LYN: variants seen among roughly 807,000 people sequenced by gnomAD.
LYN encodes tyrosine-protein kinase Lyn.
LYN carries 12 observed loss-of-function variants against 65.0 expected under a neutral mutation model. That is an observed-to-expected ratio of 0.18 (90% CI 0.12 to 0.30). LYN has a LOEUF of 0.30. Among genes scored for constraint, LYN ranks in the 10% least tolerant of loss-of-function variants. LYN has a pLI of 1.00. For missense variants in LYN, 380 were observed against 623.2 expected, an observed-to-expected ratio of 0.61 and a Z score of 4.16; for synonymous variants, 222 against 221.2, an observed-to-expected ratio of 1.00 and a Z score of -0.03.
At position 56,012,782 on chromosome 8, in the gene LYN, G is replaced by C. The variant is rs1184376398; in HGVS notation, c.*2672G>C. 6.6e-6 allele frequency: 1 copy of C among 151,998 alleles called. No individual in the cohort carries two copies. The highest frequency in any genetic ancestry group is 1.5e-5 in the Non-Finnish European group (1 of 68,032). The allele number at this position is 151,998 out of a possible 1,614,324, so 9.4% of individuals were successfully genotyped here. Reference sequence around the variant, plus strand: ...GAATATAATGTATGCTCAGTCTTGAGAGTCACCATTTGGTTTGACCCATAT... The same window carrying C: ...GAATATAATGTATGCTCAGTCTTGACAGTCACCATTTGGTTTGACCCATAT... On this transcript the variant is annotated 3_prime_UTR_variant, in exon 13 of 13. Transcript: ENST00000519728.
intron 10 of LYN, among the ~76,000 whole-genome samples, chr8:55,976,842 G>C (rs898875310): frequency 2.6e-5 from 4 of 152,086 alleles, no homozygotes; most frequent in African/African-American, 9.7e-5. Flanking sequence ...GATGCAAGTG[G>C]GGGTATATGG....
intron 12 of LYN, among the ~76,000 whole-genome samples, chr8:56,005,076 G>A (rs1004706139): frequency 6.6e-6 from 1 of 152,106 alleles, no homozygotes; most frequent in Admixed American, 6.6e-5. Context: ...GAGCCACCAC[G>A]CCCGGCCAGC....
chr8:55,967,281 T>C (rs1246373973), intron 9 of LYN, among the ~76,000 whole-genome samples: 3 of 151,550 alleles, frequency 2.0e-5, no homozygotes, highest in Admixed American at 6.6e-5. Flanking sequence ...TTAGTACGGA[T>C]TGTTCAGTAC....
intron 1 of LYN, among the ~76,000 whole-genome samples, chr8:55,894,291 C>G (rs902456981): frequency 6.6e-6 from 1 of 152,062 alleles, no homozygotes; most frequent in Non-Finnish European, 1.5e-5. Context: ...CCTCCACCTC[C>G]TGGGCTTAAG....
At chr8:55,887,575 T>TACACACACACACACACACAG (rs1804835551) in intron 1 of LYN, among the ~76,000 whole-genome samples, 2 of 93,436 alleles carry the variant, frequency 2.1e-5, no homozygotes, top group African/African-American at 7.9e-5. Context: ...TATATATATA[T>TACACACACACACACACACAG]ACACACACAC....
rs1216581189 is a variant in LYN, at chr8:56,010,895, T to G, written c.*785T>G. On this transcript the variant is annotated 3_prime_UTR_variant, in exon 13 of 13. Transcript: ENST00000519728. ...AACTGCTCTGTGTTTAGAAGGAATATTTTTAAGAGTCCAGCTTTTTCATTT... is the reference window on the plus strand; with the variant it reads ...AACTGCTCTGTGTTTAGAAGGAATAGTTTTAAGAGTCCAGCTTTTTCATTT... 3.5e-5 allele frequency: 8 copies of G among 230,260 alleles called. No individual in the cohort carries two copies. The highest frequency in any genetic ancestry group is 5.7e-5 in the Admixed American group (1 of 17,684). The allele number at this position is 230,260 out of a possible 1,614,324, so 14.3% of individuals were successfully genotyped here.
intron 1 of LYN, among the ~76,000 whole-genome samples, chr8:55,934,627 G>A (rs529986512): frequency 3.3e-5 from 5 of 152,190 alleles, no homozygotes; most frequent in Non-Finnish European, 7.3e-5. Context: ...TGGCTGTTTT[G>A]TCTTGACACC....
intron 8 of LYN, among the ~76,000 whole-genome samples, chr8:55,963,830 T>C (rs1419806968): frequency 6.6e-6 from 1 of 152,230 alleles, no homozygotes; most frequent in African/African-American, 2.4e-5. Context: ...ATATAGTTTA[T>C]GTATTTTCAT....
chr8:55,950,320 G>A (rs1806904246), intron 4 of LYN, 139 bp from the exon 5 acceptor site: 6 of 608,856 alleles, frequency 9.9e-6, no homozygotes, highest in Non-Finnish European at 1.4e-5. Context: ...GTAAGTCTAT[G>A]TTTTCTTTAT....
intron 4 of LYN, 124 bp from the exon 5 acceptor site, chr8:55,950,335 A>C (rs936276029): frequency 9.1e-6 from 6 of 656,648 alleles, no homozygotes; most frequent in Non-Finnish European, 1.5e-5. Flanking sequence ...CTTTATTTTT[A>C]ATTTTTTAAT....
intron 10 of LYN, among the ~76,000 whole-genome samples, chr8:55,976,180 A>C (rs1807745824): frequency 6.6e-6 from 1 of 152,064 alleles, no homozygotes; most frequent in African/African-American, 2.4e-5. Context: ...GTTTGAAATT[A>C]GCCAGGCTTG....
At chr8:55,927,241 T>C (rs961427506) in intron 1 of LYN, among the ~76,000 whole-genome samples, 1 of 152,206 alleles carries the variant, frequency 6.6e-6, no homozygotes, top group Non-Finnish European at 1.5e-5. Context: ...ATTCTTCACA[T>C]GTTTATTCCT....
At chr8:55,997,860 G>A (rs375437879) in intron 10 of LYN, among the ~76,000 whole-genome samples, 67 of 152,242 alleles carry the variant, frequency 4.4e-4, no homozygotes, top group African/African-American at 1.4e-3. Context: ...CAAGGCGGGC[G>A]GATCACGAGG....
rs764175485 is a variant in LYN at position 55,941,843 on chromosome 8, A to G, written c.-5-12A>G. On this transcript the variant is annotated splice_polypyrimidine_tract_variant and intron_variant, in intron 1 of 12. Coordinates refer to ENST00000519728, the MANE Select transcript of LYN (RefSeq NM_002350.4). Reference sequence around the variant, plus strand: ...ATGGTAAAACAATGTCATTACTTTTATGTTTCAACAGGAAATATGGGATGT... The same window carrying G: ...ATGGTAAAACAATGTCATTACTTTTGTGTTTCAACAGGAAATATGGGATGT... The G allele has an allele frequency of 3.7e-6, 6 of 1,610,076 alleles. No homozygotes were observed. In the Admixed American group the frequency reaches 8.4e-5, roughly 22 times the overall value.
intron 9 of LYN, among the ~76,000 whole-genome samples, 169 bp from the exon 10 acceptor site, chr8:55,969,548 G>A (rs113518475): frequency 0.011 from 1,655 of 152,320 alleles, 29 homozygotes; most frequent in African/African-American, 0.038. Context: ...CAGATTAGAG[G>A]GGACTGCGTT....
At chr8:55,942,385 ATATATATGTG>A (rs1326418232) in intron 2 of LYN, among the ~76,000 whole-genome samples, 4 of 137,838 alleles carry the variant, frequency 2.9e-5, no homozygotes, top group African/African-American at 8.5e-5. Context: ...ATATGTGTAT[ATATATATGTG>A]TATATATGTG....
chr8:55,952,144 C>T (rs1347435044), intron 7 of LYN, 29 bp downstream of exon 7: 2 of 1,550,506 alleles, frequency 1.3e-6, no homozygotes, highest in Admixed American at 2.2e-5. Context: ...TTCAACAAGA[C>T]AAGATATATT....
intron 1 of LYN, among the ~76,000 whole-genome samples, chr8:55,904,572 C>A (rs1805368347): frequency 6.6e-6 from 1 of 152,030 alleles, no homozygotes; most frequent in Admixed American, 6.6e-5. Context: ...TGTTACCCTG[C>A]AGATCATGCA....
chr8:55,905,480 C>T (rs1326063659), intron 1 of LYN, among the ~76,000 whole-genome samples: 1 of 152,022 alleles, frequency 6.6e-6, no homozygotes, highest in Non-Finnish European at 1.5e-5. Context: ...ATTAAGGTGG[C>T]CCAGTTAATA....
Sources: allele counts gnomAD v4.1 joint callset (sites outside exome capture counted in the v4.1 genomes callset), GRCh38; gene constraint gnomAD v4.1.1; transcripts MANE v1.5; gene names NCBI Gene and HGNC (gene_info 2026-07-23, HGNC 2026-07-21).